KCNQ1: variants seen among roughly 807,000 people sequenced by gnomAD.
The protein encoded by KCNQ1 is potassium voltage-gated channel subfamily KQT member 1.
A neutral mutation model predicts 72.4 loss-of-function variants in KCNQ1; 49 were observed. The observed-to-expected ratio is 0.68, with a 90% CI of 0.54 to 0.86. The LOEUF (loss-of-function observed/expected upper bound fraction) is 0.86. KCNQ1 is among the 40% of genes least tolerant of loss of function. The pLI is 0.00. For synonymous variants in KCNQ1, 450 were observed against 412.6 expected, an observed-to-expected ratio of 1.09 and a Z score of -1.10; for missense variants, 790 against 945.1, an observed-to-expected ratio of 0.84 and a Z score of 2.15.
chr11:2,469,422 C>T (rs948828928), intron 1 of KCNQ1, among the ~76,000 whole-genome samples: 30 of 151,864 alleles, frequency 2.0e-4, no homozygotes, highest in Admixed American at 2.6e-4. Context: ...TACAGATGCC[C>T]GCCACCATGA....
chr11:2,536,308 C>T lies in KCNQ1; in HGVS notation c.477+8290C>T, dbSNP rs1009231970. Among the ~76,000 whole-genome samples, 8 of 152,194 alleles carry T rather than the reference C, an allele frequency of 5.3e-5. No homozygotes were observed. The highest frequency in any genetic ancestry group is 4.1e-4 in the South Asian group (2 of 4,834). On this transcript the variant is annotated intron_variant, in intron 2 of 15. Transcript: ENST00000155840. This position sits in a 1 kb window ranked among gnomAD's most constrained non-coding sequence, Gnocchi z 7.4. ...TGTACTTGGTGATAAACACACCATC[C>T]GCACTGCCTGCGGCTCTTACAGGAG... is the stretch of plus-strand genomic sequence containing the variant.
At position 2,830,130 on chromosome 11, in the gene KCNQ1, G is replaced by A. The variant is rs566761238; in HGVS notation, c.1795-17637G>A. ...GGGAAGGTGGGTGCATGCCACCCTG[G>A]CTGGGAACAGCAGGTGTGTGGTGAA... On this transcript the variant is annotated intron_variant, in intron 15 of 15. Transcript: ENST00000155840. The surrounding 1 kb of genome is among the most constrained non-coding windows in gnomAD (Gnocchi z 7.7). Among the ~76,000 whole-genome samples the A allele has an allele frequency of 1.3e-3, 201 of 152,108 alleles. No homozygotes were observed. Among genetic ancestry groups the A allele is most frequent in the African/African-American group, 4.6e-3 (192 of 41,496 alleles).
At position 2,828,280 on chromosome 11, in the gene KCNQ1, C is replaced by T. The variant is rs563717037; in HGVS notation, c.1795-19487C>T. ...CTGGAAGGTTTGGTGACCGGAGCAG[C>T]AGGTGCCAGAGCTGAAAGCACTGGT... is the stretch of plus-strand genomic sequence containing the variant. On this transcript the variant is annotated intron_variant, in intron 15 of 15. Transcript: ENST00000155840. This position sits in a 1 kb window ranked among gnomAD's most constrained non-coding sequence, Gnocchi z 5.3. Among the ~76,000 whole-genome samples, 1 of 152,310 alleles carries T rather than the reference C, an allele frequency of 6.6e-6. No homozygotes were observed. The highest frequency in any genetic ancestry group is 1.9e-4 in the East Asian group (1 of 5,178).
In KCNQ1 at chr11:2,781,609, G is replaced by A. The variant is rs981714186; in HGVS notation, c.1794+3572G>A. Among the ~76,000 whole-genome samples, 4 of 152,216 alleles carry A rather than the reference G, an allele frequency of 2.6e-5. No individual in the cohort carries two copies. Among genetic ancestry groups the A allele is most frequent in the East Asian group, 1.9e-4 (1 of 5,188 alleles). ...CATACCCCAGACATTCTGAGGAATC[G>A]ATGGCAGAGGCCGCTCCAGCCCTCC... On this transcript the variant is annotated intron_variant, in intron 15 of 15. Transcript: ENST00000155840. This position sits in a 1 kb window ranked among gnomAD's most constrained non-coding sequence, Gnocchi z 6.6.
rs555255086 is a variant in KCNQ1, at chr11:2,772,939, C to T, written c.1591-3021C>T. On this transcript the variant is annotated intron_variant, in intron 12 of 15. Transcript: ENST00000155840. This position sits in a 1 kb window ranked among gnomAD's most constrained non-coding sequence, Gnocchi z 6.6. The stretch of plus-strand genomic sequence containing the variant: ...AGCTCTGTGGTCTGCAGGAGGCTCA[C>T]CACCATGACTCATGCCATGTTCAAT... Among the ~76,000 whole-genome samples, 1 of 152,292 alleles carries T rather than the reference C, an allele frequency of 6.6e-6. No homozygotes were observed. Among genetic ancestry groups the T allele is most frequent in the East Asian group, 1.9e-4 (1 of 5,176 alleles).
chr11:2,614,369 A>G (rs527730592), intron 10 of KCNQ1: 1 of 398,558 alleles, frequency 2.5e-6, no homozygotes, highest in African/African-American at 2.1e-5. Context: ...TTTTTAAGTA[A>G]CAGAAACCAT....
intron 11 of KCNQ1, chr11:2,697,296 A>T: frequency 2.5e-6 from 1 of 398,562 alleles, no homozygotes; most frequent in Non-Finnish European, 4.4e-6. Flanking sequence ...GTAACACCAA[A>T]ATGTTTGAGA....
At chr11:2,662,648 T>C (rs1849983922) in intron 11 of KCNQ1, 1 of 408,284 alleles carries the variant, frequency 2.4e-6, no homozygotes, top group African/African-American at 2.0e-5. Flanking sequence ...CACGGTGTGA[T>C]TCCCCTGCGA....
At chr11:2,761,282 T>C (rs1232611291) in intron 11 of KCNQ1, among the ~76,000 whole-genome samples, 5 of 110,812 alleles carry the variant, frequency 4.5e-5, no homozygotes, top group Non-Finnish European at 1.0e-4. Context: ...TGCCTGTTGG[T>C]GCCTGTCGGT....
intron 8 of KCNQ1, among the ~76,000 whole-genome samples, chr11:2,585,955 G>C (rs1455316464): frequency 1.3e-5 from 2 of 152,176 alleles, no homozygotes; most frequent in Non-Finnish European, 2.9e-5. Context: ...CAGAGAATGG[G>C]ACTGCTCTGT....
At chr11:2,835,810 C>T (rs1016074290) in intron 15 of KCNQ1, among the ~76,000 whole-genome samples, 9 of 152,040 alleles carry the variant, frequency 5.9e-5, no homozygotes, top group Non-Finnish European at 1.0e-4. Context: ...CTCATGGAGG[C>T]GGCGGGGCAG....
At chr11:2,738,997 G>A (rs912732942) in intron 11 of KCNQ1, among the ~76,000 whole-genome samples, 9 of 152,196 alleles carry the variant, frequency 5.9e-5, no homozygotes, top group African/African-American at 2.2e-4. Flanking sequence ...GGAGTCCAGG[G>A]GTCTGCAGAG....
Position 2,651,968 on chromosome 11 carries a change from G to C in KCNQ1, c.1394-9993G>C, listed in dbSNP as rs991444370. 7.5e-6 allele frequency: 3 copies of C among 398,598 alleles called. No homozygotes were observed. Among genetic ancestry groups the C allele is most frequent in the Admixed American group, 4.4e-5 (1 of 22,720 alleles). 24.7% of individuals were successfully genotyped at this position (398,598 alleles called of 1,614,324 possible). Reference sequence around the variant, plus strand: ...CAGCCAGCAGCAGTGGGGGAGCCAAGCTGAGTTGATTACTTTTGACATCAG... The same window carrying C: ...CAGCCAGCAGCAGTGGGGGAGCCAACCTGAGTTGATTACTTTTGACATCAG... On this transcript the variant is annotated intron_variant, in intron 10 of 15. Coordinates refer to ENST00000155840, the MANE Select transcript of KCNQ1 (RefSeq NM_000218.3). The surrounding 1 kb of genome is among the most constrained non-coding windows in gnomAD (Gnocchi z 6.1).
intron 1 of KCNQ1, among the ~76,000 whole-genome samples, chr11:2,520,163 CTG>C (rs1847357302): frequency 6.6e-6 from 1 of 152,216 alleles, no homozygotes; most frequent in African/African-American, 2.4e-5. Context: ...CATGCTGTGT[CTG>C]AGCCTCAGTG....
intron 2 of KCNQ1, among the ~76,000 whole-genome samples, chr11:2,534,429 G>A (rs1207353767): frequency 6.6e-6 from 1 of 152,246 alleles, no homozygotes; most frequent in African/African-American, 2.4e-5. Flanking sequence ...GAACCAGTGG[G>A]TGACTCAGGA....
chr11:2,587,379 C>A (rs1394184571), intron 8 of KCNQ1, among the ~76,000 whole-genome samples, 191 bp from the exon 9 acceptor site: 1 of 152,194 alleles, frequency 6.6e-6, no homozygotes, highest in Non-Finnish European at 1.5e-5. Flanking sequence ...AGCAAGGGAC[C>A]AAGCCAGGCT....
At chr11:2,561,331 G>T (rs1848163776) in intron 2 of KCNQ1, among the ~76,000 whole-genome samples, 1 of 152,362 alleles carries the variant, frequency 6.6e-6, no homozygotes, top group East Asian at 1.9e-4. Flanking sequence ...GCACGGGACG[G>T]GGCGTCAGGT....
At chr11:2,793,563 G>A (rs1306917651) in intron 15 of KCNQ1, among the ~76,000 whole-genome samples, 1 of 152,204 alleles carries the variant, frequency 6.6e-6, no homozygotes, top group African/African-American at 2.4e-5. Flanking sequence ...GTTCAAGGCT[G>A]CAGTGAGCCA....
intron 15 of KCNQ1, among the ~76,000 whole-genome samples, chr11:2,792,836 G>T (rs1180316127): frequency 6.6e-6 from 1 of 152,222 alleles, no homozygotes; most frequent in Non-Finnish European, 1.5e-5. Context: ...TTCAGGATTA[G>T]CCGAGTAAGG....
Sources: gnomAD v4.1 joint callset for allele counts (sites outside exome capture counted in the v4.1 genomes callset) on GRCh38, gnomAD v4.1.1 for gene constraint, Gnocchi (gnomAD v3.1) non-coding constraint, MANE v1.5 for transcripts, NCBI Gene and HGNC (gene_info 2026-07-23, HGNC 2026-07-21) for gene names.